The following POU2F3 variants were observed in gnomAD, a reference collection of about 807,000 sequenced individuals.
The protein encoded by POU2F3 is POU class 2 homeobox 3, also known as POU domain, class 2, transcription factor 3.
POU2F3 carries 23 observed loss-of-function variants against 59.2 expected under a neutral mutation model. The observed-to-expected ratio is 0.39, with a 90% CI of 0.28 to 0.55. POU2F3 has a LOEUF of 0.55. POU2F3 is among the 20% of genes least tolerant of loss of function. POU2F3 has a pLI of 0.66. For missense variants in POU2F3, 473 were observed against 544.5 expected (o/e 0.87, Z 1.31); for synonymous variants, 190 against 214.6 (o/e 0.89, Z 1.00).
At position 120,285,580 on chromosome 11, in the gene POU2F3, T is replaced by A. The variant is rs1940749721; in HGVS notation, c.133-12685T>A. 6.6e-6 allele frequency among the ~76,000 whole-genome samples: 1 copy of A among 152,220 alleles called. No homozygotes were observed. On this transcript the variant is annotated intron_variant, in intron 3 of 12. Transcript: ENST00000543440. The surrounding 1 kb of genome is among the most constrained non-coding windows in gnomAD (Gnocchi z 4.3). Reference sequence around the variant, plus strand: ...TGAATACTTTCCGGTTATAAAAAAATTTCATAATAAAGATTAAAAAGGAAG... The same window carrying A: ...TGAATACTTTCCGGTTATAAAAAAAATTCATAATAAAGATTAAAAAGGAAG...
Position 120,318,650 on chromosome 11 carries a change from G to A in POU2F3, c.*258G>A, listed in dbSNP as rs144375055. On this transcript the variant is annotated 3_prime_UTR_variant, in exon 13 of 13. Coordinates refer to ENST00000543440, the MANE Select transcript of POU2F3 (RefSeq NM_014352.4). ...TACCATTTTCACCTTCCTTGCCTAT[G>A]CCCTTGCCTTCTAGTTCCAAATATT... The A allele has an allele frequency of 1.5e-4, 61 of 416,748 alleles. No homozygotes were observed. Among genetic ancestry groups the A allele is most frequent in the Middle Eastern group, 1.3e-3 (2 of 1,570 alleles). The allele number at this position is 416,748 out of a possible 1,614,324, so 25.8% of individuals were successfully genotyped here.
At chr11:120,243,039 G>T (rs949642781) in intron 1 of POU2F3, among the ~76,000 whole-genome samples, 1 of 152,306 alleles carries the variant, frequency 6.6e-6, no homozygotes, top group East Asian at 1.9e-4. Flanking sequence ...GTTGGGAAAG[G>T]GGGGCTGAGT....
chr11:120,242,348 A>C (rs1304356945), intron 1 of POU2F3, among the ~76,000 whole-genome samples: 2 of 151,888 alleles, frequency 1.3e-5, no homozygotes, highest in Non-Finnish European at 2.9e-5. Flanking sequence ...TCCAGTGCGC[A>C]CCCTGCTGTG....
upstream of POU2F3, chr11:120,236,799 A>T (rs568574237): frequency 2.8e-5 from 36 of 1,269,714 alleles, no homozygotes; most frequent in East Asian, 8.5e-4. Flanking sequence ...ATTGCTCACC[A>T]TTCCCCCTCA....
chr11:120,247,224 A>T (rs1938911396), intron 2 of POU2F3, among the ~76,000 whole-genome samples: 1 of 152,206 alleles, frequency 6.6e-6, no homozygotes, highest in African/African-American at 2.4e-5. Flanking sequence ...GATGAGTATA[A>T]ATTGTAGCAC....
chr11:120,316,698 C>T (rs1941796764), intron 11 of POU2F3, among the ~76,000 whole-genome samples: 1 of 152,172 alleles, frequency 6.6e-6, no homozygotes, highest in Non-Finnish European at 1.5e-5. Flanking sequence ...AAGTGTTGGG[C>T]TACAGGCATG....
chr11:120,256,125 C>T (rs574449696), intron 2 of POU2F3: 2 of 152,274 alleles, frequency 1.3e-5, no homozygotes, highest in Non-Finnish European at 2.9e-5. Context: ...GAACACACTC[C>T]AATCCTTTTC....
intron 1 of POU2F3, among the ~76,000 whole-genome samples, chr11:120,241,035 T>C (rs1338936692): frequency 1.3e-5 from 2 of 152,052 alleles, no homozygotes; most frequent in Non-Finnish European, 2.9e-5. Flanking sequence ...GAATGAGAGG[T>C]GGGCATGGAG....
At chr11:120,278,652 C>A (rs1464330271) in intron 3 of POU2F3, among the ~76,000 whole-genome samples, 1 of 152,160 alleles carries the variant, frequency 6.6e-6, no homozygotes, top group African/African-American at 2.4e-5. Flanking sequence ...GCGCCACCCC[C>A]ACAGGGAATG....
chr11:120,271,100 CA>C (rs1565366865), intron 3 of POU2F3, among the ~76,000 whole-genome samples: 1 of 152,180 alleles, frequency 6.6e-6, no homozygotes, highest in Non-Finnish European at 1.5e-5. Flanking sequence ...TTTAGGCAGG[CA>C]AATTCTGCAG....
chr11:120,236,671 T>G (rs1440041095), upstream of POU2F3: 26 of 1,501,764 alleles, frequency 1.7e-5, no homozygotes, highest in Non-Finnish European at 2.2e-5. Context: ...AAAAACCGGT[T>G]TCATGGAGTC....
chr11:120,280,547 T>A (rs935025292), intron 3 of POU2F3, among the ~76,000 whole-genome samples: 1 of 151,890 alleles, frequency 6.6e-6, no homozygotes, highest in African/African-American at 2.4e-5. Context: ...AAGGTGGAGC[T>A]CAGATGTAAG....
At chr11:120,237,354 C>T (rs912618691), upstream of POU2F3, among the ~76,000 whole-genome samples, 1 of 152,092 alleles carries the variant, frequency 6.6e-6, no homozygotes. Context: ...CGTTCATCCT[C>T]CTACCTCCAC....
chr11:120,318,575 C>A lies in POU2F3; in HGVS notation c.*183C>A, dbSNP rs1242978251. 2 of 617,862 alleles carry A rather than the reference C, an allele frequency of 3.2e-6. No homozygotes were observed. The highest frequency in any genetic ancestry group is 3.7e-5 in the African/African-American group (2 of 54,126). 38.3% of individuals were successfully genotyped at this position (617,862 alleles called of 1,614,324 possible). ...CCGGAGATCCAAACTGTGATTGAAC[C>A]AAGTGCAGACTCCTAATGCTCTTGA... is the stretch of plus-strand genomic sequence containing the variant. On this transcript the variant is annotated 3_prime_UTR_variant, in exon 13 of 13. Coordinates refer to ENST00000543440, the MANE Select transcript of POU2F3 (RefSeq NM_014352.4).
At chr11:120,292,386 A>G (rs373233843) in intron 3 of POU2F3, among the ~76,000 whole-genome samples, 2 of 152,190 alleles carry the variant, frequency 1.3e-5, no homozygotes, top group African/African-American at 2.4e-5. Flanking sequence ...ACAAAAAAAA[A>G]GTGTGATGAT....
intron 2 of POU2F3, among the ~76,000 whole-genome samples, chr11:120,248,960 C>G (rs1200130884): frequency 2.0e-5 from 3 of 152,162 alleles, no homozygotes; most frequent in African/African-American, 4.8e-5. Context: ...ACAAAGGTGA[C>G]TTAGAAAGCC....
chr11:120,277,083 C>T (rs1940363743), intron 3 of POU2F3, among the ~76,000 whole-genome samples: 1 of 151,652 alleles, frequency 6.6e-6, no homozygotes, highest in Non-Finnish European at 1.5e-5. Flanking sequence ...TACAAAAATA[C>T]AAAAAAATAT....
At position 120,305,788 on chromosome 11, in the gene POU2F3, A is replaced by G; in HGVS notation, c.769+3A>G. On this transcript the variant is annotated splice_donor_region_variant and intron_variant, in intron 8 of 12. Coordinates refer to ENST00000543440, the MANE Select transcript of POU2F3 (RefSeq NM_014352.4). Reference sequence around the variant, plus strand: ...GGAGAAGTGGCTGAATGATGCAGGTAGGCCTCGCAAACACGGATGCCAGGG... The same window carrying G: ...GGAGAAGTGGCTGAATGATGCAGGTGGGCCTCGCAAACACGGATGCCAGGG... The G allele has an allele frequency of 3.1e-6, 5 of 1,613,242 alleles. No individual in the cohort carries two copies. Among genetic ancestry groups the G allele is most frequent in the Non-Finnish European group, 4.2e-6 (5 of 1,179,948 alleles).
upstream of POU2F3, chr11:120,236,696 A>T (rs1355164056): frequency 6.7e-7 from 1 of 1,503,034 alleles, no homozygotes; most frequent in Non-Finnish European, 9.0e-7. Context: ...AGAACTGCTA[A>T]AGGAGGAAGG....
Sources: allele counts gnomAD v4.1 joint callset (sites outside exome capture counted in the v4.1 genomes callset), GRCh38; gene constraint gnomAD v4.1.1; non-coding constraint Gnocchi (gnomAD v3.1); transcripts MANE v1.5; gene names NCBI Gene and HGNC (gene_info 2026-07-23, HGNC 2026-07-21).